The following PTPRG variants were observed in gnomAD, a reference collection of about 807,000 sequenced individuals.
PTPRG encodes receptor-type tyrosine-protein phosphatase gamma.
PTPRG carries 102 observed loss-of-function variants against 165.3 expected under a neutral mutation model. That is an observed-to-expected ratio of 0.62 (90% CI 0.53 to 0.73). The LOEUF (loss-of-function observed/expected upper bound fraction) is 0.73, where lower values mean the gene tolerates loss of function less well. PTPRG is among the 30% of genes least tolerant of loss of function. The pLI is 0.00. For synonymous variants in PTPRG, 675 were observed against 669.5 expected (o/e 1.01, Z -0.13); for missense variants, 1,866 against 1,861.4 (o/e 1.00, Z -0.05).
chr3:61,578,089 A>G (rs1441622080), intron 1 of PTPRG, among the ~76,000 whole-genome samples: 2 of 152,208 alleles, frequency 1.3e-5, no homozygotes, highest in African/African-American at 2.4e-5. Context: ...CCAGCTCATG[A>G]GTAGACATTT....
intron 1 of PTPRG, among the ~76,000 whole-genome samples, chr3:61,641,308 A>C (rs543933185): frequency 1.3e-5 from 2 of 152,200 alleles, no homozygotes; most frequent in Admixed American, 1.3e-4. Flanking sequence ...ATGGAAACAG[A>C]TGAAGTCCCT....
At chr3:62,004,738 A>G (rs1483042782) in intron 4 of PTPRG, among the ~76,000 whole-genome samples, 1 of 152,216 alleles carries the variant, frequency 6.6e-6, no homozygotes, top group Non-Finnish European at 1.5e-5. Flanking sequence ...CGATGGCTGT[A>G]TTCAAACATG....
At chr3:61,817,386 A>T (rs1488153100) in intron 2 of PTPRG, among the ~76,000 whole-genome samples, 1 of 150,748 alleles carries the variant, frequency 6.6e-6, no homozygotes, top group Non-Finnish European at 1.5e-5. Context: ...ACCTTTTCAT[A>T]TTTCTAAGAA....
chr3:61,964,303 A>G (rs2040219666), intron 2 of PTPRG, among the ~76,000 whole-genome samples: 1 of 152,264 alleles, frequency 6.6e-6, no homozygotes. Context: ...GGATAAAATT[A>G]ATCAGTAATC....
At chr3:61,604,201 G>A (rs1379901564) in intron 1 of PTPRG, among the ~76,000 whole-genome samples, 2 of 152,192 alleles carry the variant, frequency 1.3e-5, no homozygotes, top group African/African-American at 4.8e-5. Context: ...GTGGGCACCT[G>A]TATTCCCAGG....
At chr3:62,085,458 G>A (rs1021028183) in intron 5 of PTPRG, among the ~76,000 whole-genome samples, 1 of 152,176 alleles carries the variant, frequency 6.6e-6, no homozygotes, top group African/African-American at 2.4e-5. Context: ...TTACTGTAAA[G>A]AGTATCTGGG....
chr3:62,054,208 A>G (rs1235095750), intron 4 of PTPRG, among the ~76,000 whole-genome samples: 1 of 152,230 alleles, frequency 6.6e-6, no homozygotes, highest in Non-Finnish European at 1.5e-5. Flanking sequence ...TCACAGGACA[A>G]TTCTAACATT....
chr3:62,160,851 C>A (rs1704727652), intron 7 of PTPRG, among the ~76,000 whole-genome samples: 1 of 134,250 alleles, frequency 7.4e-6, no homozygotes. Context: ...CTTTGTTTAC[C>A]TTTAGATGTG....
chr3:62,084,549 G>T (rs929951184), intron 5 of PTPRG, among the ~76,000 whole-genome samples: 1 of 152,142 alleles, frequency 6.6e-6, no homozygotes, highest in African/African-American at 2.4e-5. Context: ...CGGTGTTACA[G>T]ACTGCTTAAT....
intron 2 of PTPRG, among the ~76,000 whole-genome samples, chr3:61,913,309 T>C (rs2038849076): frequency 6.6e-6 from 1 of 152,168 alleles, no homozygotes; most frequent in South Asian, 2.1e-4. Context: ...AAGCTCCGCC[T>C]CCTGGGTTCA....
intron 5 of PTPRG, among the ~76,000 whole-genome samples, chr3:62,083,216 AT>A (rs577596068): frequency 2.6e-5 from 4 of 151,718 alleles, no homozygotes; most frequent in Admixed American, 2.6e-4. Context: ...ATCAGAAGTT[AT>A]TATTTGGTTG....
chr3:61,582,441 A>T (rs1157582821), intron 1 of PTPRG, among the ~76,000 whole-genome samples: 1 of 152,184 alleles, frequency 6.6e-6, no homozygotes, highest in Non-Finnish European at 1.5e-5. Context: ...TCTGAGATTG[A>T]TGCTGTTTCT....
intron 13 of PTPRG, among the ~76,000 whole-genome samples, chr3:62,221,075 G>T (rs557396926): frequency 1.3e-5 from 2 of 152,328 alleles, no homozygotes; most frequent in South Asian, 4.1e-4. Flanking sequence ...GCTGTGTCAT[G>T]TAGTAAACAG....
At chr3:61,935,590 C>G (rs1464413805) in intron 2 of PTPRG, among the ~76,000 whole-genome samples, 1 of 151,994 alleles carries the variant, frequency 6.6e-6, no homozygotes, top group Admixed American at 6.6e-5. Context: ...ACATTTTATA[C>G]CACTGTTAGT....
At chr3:61,687,190 G>C (rs1485305793) in intron 1 of PTPRG, among the ~76,000 whole-genome samples, 2 of 152,170 alleles carry the variant, frequency 1.3e-5, no homozygotes, top group Non-Finnish European at 2.9e-5. Flanking sequence ...AGATTTGAAG[G>C]AAATGTTTGG....
chr3:62,169,951 CCATTTTCTAGGCT>C (rs1705154128), intron 8 of PTPRG, among the ~76,000 whole-genome samples: 1 of 152,004 alleles, frequency 6.6e-6, no homozygotes. Flanking sequence ...ATGAAAGAGC[CCATTTTCTAGGCT>C]CATGTTTCTG....
At chr3:62,057,749 A>T (rs1324263423) in intron 4 of PTPRG, among the ~76,000 whole-genome samples, 1 of 152,200 alleles carries the variant, frequency 6.6e-6, no homozygotes, top group Non-Finnish European at 1.5e-5. Flanking sequence ...CTGTGCCGTT[A>T]ACATTCCAAA....
chr3:61,786,358 C>T (rs975921398), intron 2 of PTPRG, among the ~76,000 whole-genome samples: 3 of 152,170 alleles, frequency 2.0e-5, no homozygotes, highest in African/African-American at 7.2e-5. Flanking sequence ...GCATGGGAAG[C>T]ACATGATACG....
chr3:61,934,773 G>A (rs1001394015), intron 2 of PTPRG, among the ~76,000 whole-genome samples: 1 of 152,038 alleles, frequency 6.6e-6, no homozygotes. Flanking sequence ...CTTAAACTTG[G>A]GTGGCCAGCA....
Sources: gnomAD v4.1 joint callset for allele counts (sites outside exome capture counted in the v4.1 genomes callset) on GRCh38, gnomAD v4.1.1 for gene constraint, MANE v1.5 for transcripts, NCBI Gene and HGNC (gene_info 2026-07-23, HGNC 2026-07-21) for gene names.